Variants in PLEKHG2 observed in about 807,000 individuals in gnomAD.
PLEKHG2 encodes pleckstrin homology and RhoGEF domain containing G2.
Under a neutral mutation model 104.4 loss-of-function variants are expected in PLEKHG2, and 71 were observed. The observed-to-expected ratio is 0.68, with a 90% CI of 0.56 to 0.83. The LOEUF is 0.83. PLEKHG2 is among the 40% of genes least tolerant of loss of function. The pLI is 0.00. For missense variants in PLEKHG2, 1,730 were observed against 1,809.4 expected, an observed-to-expected ratio of 0.96 and a Z score of 0.80; for synonymous variants, 728 against 737.0, an observed-to-expected ratio of 0.99 and a Z score of 0.20.
At chr19:39,421,976 C>A in intron 16 of PLEKHG2, 139 bp from the exon 17 acceptor site, 2 of 845,220 alleles carry the variant, frequency 2.4e-6, no homozygotes, top group Non-Finnish European at 3.4e-6. Context: ...GAGATGGCGC[C>A]ATTGCACTGC....
intron 9 of PLEKHG2, among the ~76,000 whole-genome samples, chr19:39,418,450 G>A (rs1253143334): frequency 6.6e-6 from 1 of 152,092 alleles, no homozygotes; most frequent in East Asian, 1.9e-4. Flanking sequence ...GTGGTGGCAA[G>A]TGCCTGTAAT....
In PLEKHG2 at chr19:39,417,005, G is replaced by A; in HGVS notation, c.744+5G>A. On this transcript the variant is annotated splice_donor_5th_base_variant and intron_variant, in intron 7 of 18. Coordinates refer to ENST00000425673, the MANE Select transcript of PLEKHG2 (RefSeq NM_022835.3). Reference sequence around the variant, plus strand: ...AAGTACCATCTGCTGCTGCAGGTCAGCTGGGGCCCCTGGAGCCAGGCTGGG... The same window carrying A: ...AAGTACCATCTGCTGCTGCAGGTCAACTGGGGCCCCTGGAGCCAGGCTGGG... 2 of 1,595,514 alleles carry A rather than the reference G, an allele frequency of 1.3e-6. No homozygotes were observed. The highest frequency in any genetic ancestry group is 1.7e-4 in the Middle Eastern group (1 of 5,986).
At chr19:39,420,474 T>A in intron 11 of PLEKHG2, 152 bp from the exon 12 acceptor site, 1 of 885,776 alleles carries the variant, frequency 1.1e-6, no homozygotes. Flanking sequence ...GAGTGAGCTA[T>A]GATTGCACCA....
chr19:39,415,301 C>A lies in PLEKHG2; in HGVS notation c.379-38C>A. Reference sequence around the variant, plus strand: ...ACCAGAGGGCAGTGGGTACCCAGGCCAGCCCCTTGGCCCCCATAACCCCAG... The same window carrying A: ...ACCAGAGGGCAGTGGGTACCCAGGCAAGCCCCTTGGCCCCCATAACCCCAG... On this transcript the variant is annotated intron_variant, in intron 3 of 18. Transcript: ENST00000425673. This position sits in a 1 kb window ranked among gnomAD's most constrained non-coding sequence, Gnocchi z 4.6. The A allele has an allele frequency of 1.9e-6, 3 of 1,608,362 alleles. No homozygotes were observed. The highest frequency in any genetic ancestry group is 2.5e-6 in the Non-Finnish European group (3 of 1,176,908).
intron 9 of PLEKHG2, 141 bp from the exon 10 acceptor site, chr19:39,418,593 G>A: frequency 3.2e-6 from 2 of 630,574 alleles, no homozygotes; most frequent in South Asian, 4.3e-5. Context: ...AAAAAAAAGG[G>A]AGAGGAAACC....
chr19:39,424,817 C>CA lies in PLEKHG2; in HGVS notation c.3685dup (p.Thr1229AsnfsTer33). 2 of 1,614,204 alleles carry CA rather than the reference C, an allele frequency of 1.2e-6. No individual in the cohort carries two copies. The highest frequency in any genetic ancestry group is 1.7e-6 in the Non-Finnish European group (2 of 1,180,024). Reference sequence around the variant, plus strand: ...CTCTAGACATTCAGGGCCTCTCACCCACCCCAGTTCAGACCACCATGGTTT... The same window carrying CA: ...CTCTAGACATTCAGGGCCTCTCACCCAACCCCAGTTCAGACCACCATGGTTT... On this transcript the variant is annotated frameshift_variant, in exon 19 of 19. Coordinates refer to ENST00000425673, the MANE Select transcript of PLEKHG2 (RefSeq NM_022835.3). LOFTEE classifies it low-confidence loss of function (END_TRUNC).
chr19:39,423,912 C>T lies in PLEKHG2; in HGVS notation c.2779C>T (p.Leu927Phe), dbSNP rs2078742132. ...LHVSNLPKQD[L>F]PGIHVSAATL... The stretch of plus-strand genomic sequence containing the variant: ...TGTTTCCAATTTGCCTAAGCAAGAC[C>T]TTCCGGGCATCCACGTTTCAGCTGC... The change falls in exon 19 of 19, where the codon CTT becomes TTT. Residue 927 changes from leucine to phenylalanine, a missense_variant. Transcript: ENST00000425673. 4.3e-6 allele frequency: 7 copies of T among 1,614,210 alleles called. No homozygotes were observed. The highest frequency in any genetic ancestry group is 5.9e-6 in the Non-Finnish European group (7 of 1,180,026).
chr19:39,418,652 T>C (rs936399182), intron 9 of PLEKHG2, 82 bp from the exon 10 acceptor site: 2 of 1,111,958 alleles, frequency 1.8e-6, no homozygotes, highest in Admixed American at 2.0e-5. Context: ...AGGACCCAGA[T>C]ACACCTCCAA....
Position 39,423,848 on chromosome 19 carries a change from G to A in PLEKHG2, c.2715G>A (p.Leu905=). ...PAVWVQAAIP[L]SKQGGSPDGQ... is the part of the protein sequence containing the mutation. The stretch of plus-strand genomic sequence containing the variant: ...TCTGGGTTCAAGCTGCCATACCTTT[G>A]TCAAAGCAGGGAGGCAGCCCGGATG... The change falls in exon 19 of 19, where the codon TTG becomes TTA. Residue 905 remains leucine (L), a synonymous_variant. Coordinates refer to ENST00000425673, the MANE Select transcript of PLEKHG2 (RefSeq NM_022835.3). 1 of 1,614,188 alleles carries A rather than the reference G, an allele frequency of 6.2e-7. No individual in the cohort carries two copies. The highest frequency in any genetic ancestry group is 1.1e-5 in the South Asian group (1 of 91,082).
At chr19:39,417,825 C>T in intron 8 of PLEKHG2, 80 bp from the exon 9 acceptor site, 2 of 1,496,076 alleles carry the variant, frequency 1.3e-6, no homozygotes, top group South Asian at 1.3e-5. Context: ...TGTTGCTAAC[C>T]CCCTGTTTTG....
Position 39,422,775 on chromosome 19 carries a change from T to A in PLEKHG2, c.1721T>A (p.Val574Glu), listed in dbSNP as rs770362921. ...DIPKFPGDSQ[V>E]PGDSETLTFQ... ...CCCAAGTTCCCCGGAGACTCCCAGG[T>A]GCCTGGCGACAGCGAAACCCTCACA... Residue 574 changes from valine to glutamate, a missense_variant, in exon 18 of 19, where the codon GTG becomes GAG. By Grantham distance (121) the Val-to-Glu change is moderately radical. Coordinates refer to ENST00000425673, the MANE Select transcript of PLEKHG2 (RefSeq NM_022835.3). The A allele has an allele frequency of 6.6e-7, 1 of 1,525,748 alleles. No homozygotes were observed. Among genetic ancestry groups the A allele is most frequent in the African/African-American group, 1.4e-5 (1 of 71,888 alleles). The allele number at this position is 1,525,748 out of a possible 1,614,324, so 94.5% of individuals were successfully genotyped here. A position where few individuals can be genotyped will look rare whatever the true frequency, so the allele number is the denominator to read the frequency against.
rs577952834 is a variant in PLEKHG2 at position 39,423,176 on chromosome 19, A to T, written c.2122A>T (p.Thr708Ser). ...PLQEPAEAPA[T>S]RRELFSGSNP... ...GCAGGAACCAGCTGAGGCTCCAGCCACCAGGAGAGAACTGTTTTCTGGGAG... is the reference window on the plus strand; with the variant it reads ...GCAGGAACCAGCTGAGGCTCCAGCCTCCAGGAGAGAACTGTTTTCTGGGAG... Residue 708 changes from threonine to serine, a missense_variant, in exon 18 of 19, where the codon ACC (threonine) becomes TCC (serine). Physicochemically the swap from Thr to Ser is moderately conservative, Grantham distance 58. Coordinates refer to ENST00000425673, the MANE Select transcript of PLEKHG2 (RefSeq NM_022835.3). The T allele has an allele frequency of 3.1e-6, 5 of 1,612,800 alleles. No individual in the cohort carries two copies. Among genetic ancestry groups the T allele is most frequent in the Admixed American group, 3.3e-5 (2 of 59,916 alleles).
chr19:39,420,585 C>T (rs1215621098), intron 11 of PLEKHG2, 41 bp from the exon 12 acceptor site: 1 of 1,613,760 alleles, frequency 6.2e-7, no homozygotes, highest in Non-Finnish European at 8.5e-7. Flanking sequence ...TGTGGTACTC[C>T]AAGATCGACC....
rs1433262900 is a variant in PLEKHG2 at position 39,418,145 on chromosome 19, A to G, written c.1083+40A>G. ...GGGGTGGGGCTAGAATACTACCTAC[A>G]AAGTATATCCCATATACCTGTATCT... On this transcript the variant is annotated intron_variant, in intron 9 of 18. Transcript: ENST00000425673. The G allele has an allele frequency of 3.5e-6, 5 of 1,444,878 alleles. No individual in the cohort carries two copies. The African/African-American group carries it at 5.7e-5, about 17-fold the overall frequency. The allele number at this position is 1,444,878 out of a possible 1,614,324, so 89.5% of individuals were successfully genotyped here. A position where few individuals can be genotyped will look rare whatever the true frequency, so the allele number is the denominator to read the frequency against.
Position 39,417,777 on chromosome 19 carries a change from G to A in PLEKHG2, c.882+85G>A, listed in dbSNP as rs12980115. 18 of 1,526,280 alleles carry A rather than the reference G, an allele frequency of 1.2e-5. No individual in the cohort carries two copies. The Admixed American group carries it at 2.0e-4, about 17-fold the overall frequency. 94.5% of individuals were successfully genotyped at this position (1,526,280 alleles called of 1,614,324 possible). A position where few individuals can be genotyped will look rare whatever the true frequency, so the allele number is the denominator to read the frequency against. On this transcript the variant is annotated intron_variant, in intron 8 of 18. Coordinates refer to ENST00000425673, the MANE Select transcript of PLEKHG2 (RefSeq NM_022835.3). ...CGGGTGGGGGGAAATCAGTGCCTCA[G>A]AGGTAGCCTTGGAGGGTTGGCTGGG...
chr19:39,423,824 C>T lies in PLEKHG2; in HGVS notation c.2691C>T (p.Val897=). 1 of 1,614,198 alleles carries T rather than the reference C, an allele frequency of 6.2e-7. No individual in the cohort carries two copies. Among genetic ancestry groups the T allele is most frequent in the South Asian group, 1.1e-5 (1 of 91,082 alleles). ...AQESVPLGPA[V]WVQAAIPLSK... ...AGTCTGTCCCCCTGGGTCCTGCTGTCTGGGTTCAAGCTGCCATACCTTTGT... is the reference window on the plus strand; with the variant it reads ...AGTCTGTCCCCCTGGGTCCTGCTGTTTGGGTTCAAGCTGCCATACCTTTGT... The change falls in exon 19 of 19, where the codon GTC becomes GTT. Residue 897 remains valine, a synonymous_variant. Transcript: ENST00000425673.
intron 11 of PLEKHG2, 70 bp downstream of exon 11, chr19:39,419,073 C>CG (rs1436558209): frequency 2.2e-6 from 3 of 1,369,974 alleles, no homozygotes; most frequent in Non-Finnish European, 3.0e-6. Flanking sequence ...TACTAAGAGA[C>CG]GCCCCTGCCC....
chr19:39,419,074 G>A (rs3900716), intron 11 of PLEKHG2, 71 bp downstream of exon 11: 249,811 of 1,356,022 alleles, frequency 0.18, 24,212 homozygotes, highest in African/African-American at 0.27. Flanking sequence ...ACTAAGAGAC[G>A]CCCCTGCCCA....
In PLEKHG2 at chr19:39,423,154, G is replaced by T; in HGVS notation, c.2100G>T (p.Gln700His). The T allele has an allele frequency of 6.2e-7, 1 of 1,613,488 alleles. No homozygotes were observed. Among genetic ancestry groups the T allele is most frequent in the Non-Finnish European group, 8.5e-7 (1 of 1,179,554 alleles). Residue 700 changes from glutamine (Q) to histidine (H), a missense_variant, in exon 18 of 19, where the codon CAG becomes CAT. By Grantham distance (24) the Gln-to-His change is conservative. Coordinates refer to ENST00000425673, the MANE Select transcript of PLEKHG2 (RefSeq NM_022835.3). ...SCDSWLQGPL[Q>H]EPAEAPATRR... ...ACTCCTGGCTCCAAGGGCCTCTGCA[G>T]GAACCAGCTGAGGCTCCAGCCACCA...
Sources: allele counts gnomAD v4.1 joint callset (sites outside exome capture counted in the v4.1 genomes callset), GRCh38; gene constraint gnomAD v4.1.1; non-coding constraint Gnocchi (gnomAD v3.1); transcripts MANE v1.5; gene names NCBI Gene and HGNC (gene_info 2026-07-23, HGNC 2026-07-21).